Variants in RBM26 observed in about 807,000 individuals in gnomAD.
The protein encoded by RBM26 is RNA binding motif protein 26, also known as RNA-binding protein 26.
A neutral mutation model predicts 123.6 loss-of-function variants in RBM26; 30 were observed. The observed-to-expected ratio is 0.24, with a 90% CI of 0.18 to 0.33. The LOEUF (loss-of-function observed/expected upper bound fraction) is 0.33, where lower values mean the gene tolerates loss of function less well. Ranked by LOEUF, RBM26 falls within the 10% of genes least tolerant of loss-of-function variation. RBM26 has a pLI of 1.00. For missense variants in RBM26, 947 were observed against 1,203.6 expected, an observed-to-expected ratio of 0.79 and a Z score of 3.15; for synonymous variants, 400 against 404.4, an observed-to-expected ratio of 0.99 and a Z score of 0.13.
Position 79,372,835 on chromosome 13 carries a change from A to AT in RBM26, c.328-906_328-905insA, listed in dbSNP as rs1491406231. On this transcript the variant is annotated intron_variant, in intron 3 of 21. Transcript: ENST00000438737. ...TATATTTATAATAAATATTTTATATAAATATATTATATATTATATAAATAT... is the reference window on the plus strand; with the variant it reads ...TATATTTATAATAAATATTTTATATATAATATATTATATATTATATAAATAT... 4.9e-4 allele frequency among the ~76,000 whole-genome samples: 49 copies of AT among 99,754 alleles called. 2 individuals are homozygous for AT. The highest frequency in any genetic ancestry group is 3.2e-3 in the African/African-American group (44 of 13,760). The allele number at this position is 99,754 out of a possible 152,430, so 65.4% of individuals were successfully genotyped here.
chr13:79,360,490 A>AATATATAT (rs141926769), intron 9 of RBM26, among the ~76,000 whole-genome samples: 3,033 of 150,000 alleles, frequency 0.02, 97 homozygotes, highest in African/African-American at 0.065. Flanking sequence ...CCTCACCACA[A>AATATATAT]ATATATATAT....
At position 79,319,136 on chromosome 13, in the gene RBM26, G is replaced by A. The variant is rs1326165917; in HGVS notation, c.*1485C>T. The stretch of plus-strand genomic sequence containing the variant: ...ATACACACAACTTCAACCCCAATTA[G>A]GGGTGTATGGGGAAGAAGAAAAAGA... On this transcript the variant is annotated 3_prime_UTR_variant, in exon 22 of 22. Coordinates refer to ENST00000438737, the MANE Select transcript of RBM26 (RefSeq NM_001366735.2). 2 of 984,554 alleles carry A rather than the reference G, an allele frequency of 2.0e-6. No homozygotes were observed. Among genetic ancestry groups the A allele is most frequent in the South Asian group, 9.4e-5 (2 of 21,274 alleles). 61.0% of individuals were successfully genotyped at this position (984,554 alleles called of 1,614,324 possible). A position where few individuals can be genotyped will look rare whatever the true frequency, so the allele number is the denominator to read the frequency against.
downstream of RBM26, among the ~76,000 whole-genome samples, chr13:79,316,191 A>AGG (rs1234503888): frequency 9.2e-3 from 497 of 54,012 alleles, 1 homozygote; most frequent in African/African-American, 0.03. Flanking sequence ...TAAGTGGGGC[A>AGG]GGTGTGTGTG....
intron 3 of RBM26, among the ~76,000 whole-genome samples, chr13:79,373,755 C>A (rs1292897808): frequency 7.9e-6 from 1 of 125,924 alleles, no homozygotes; most frequent in Non-Finnish European, 1.6e-5. Context: ...ATATATATAT[C>A]TGGGAAAACA....
Position 79,355,771 on chromosome 13 carries a change from T to C in RBM26, c.1690-387A>G, listed in dbSNP as rs935205660. 5.3e-5 allele frequency among the ~76,000 whole-genome samples: 8 copies of C among 152,294 alleles called. No homozygotes were observed. In the Middle Eastern group the frequency reaches 0.01, roughly 194 times the overall value. ...AAATTACTTTGCAAGGGGTTATCTC[T>C]AATAAAAAATTACAGAAAAATCCAT... On this transcript the variant is annotated intron_variant, in intron 11 of 21. Transcript: ENST00000438737.
At chr13:79,365,825 C>A in intron 8 of RBM26, 107 bp from the exon 9 acceptor site, 1 of 1,004,364 alleles carries the variant, frequency 1.0e-6, no homozygotes, top group Non-Finnish European at 1.5e-6. Context: ...TAACATATAA[C>A]ATGCTCTATA....
chr13:79,318,748 A>C, downstream of RBM26: 1 of 967,666 alleles, frequency 1.0e-6, no homozygotes, highest in Non-Finnish European at 1.2e-6. Context: ...AAAACATACT[A>C]ATCAAATTAT....
chr13:79,339,669 G>A (rs563100390), intron 18 of RBM26, among the ~76,000 whole-genome samples: 2 of 152,078 alleles, frequency 1.3e-5, no homozygotes, highest in Non-Finnish European at 2.9e-5. Flanking sequence ...TTGAAAAGGA[G>A]GGTCCTTGGA....
At chr13:79,377,305 GA>G (rs1566527530) in intron 3 of RBM26, 73 bp downstream of exon 3, 1 of 1,328,564 alleles carries the variant, frequency 7.5e-7, no homozygotes, top group African/African-American at 1.5e-5. Flanking sequence ...CAAAGATATA[GA>G]AGATAAAAAC....
At chr13:79,315,239 T>C (rs2067037087), downstream of RBM26, among the ~76,000 whole-genome samples, 1 of 151,906 alleles carries the variant, frequency 6.6e-6, no homozygotes, top group African/African-American at 2.4e-5. Context: ...ACAACATATC[T>C]ATGGTCTAAA....
chr13:79,348,590 G>A (rs566517957), intron 14 of RBM26, among the ~76,000 whole-genome samples: 4 of 152,164 alleles, frequency 2.6e-5, no homozygotes, highest in Non-Finnish European at 5.9e-5. Flanking sequence ...AGCTCCAACA[G>A]GTTTTTAAAG....
intron 9 of RBM26, among the ~76,000 whole-genome samples, chr13:79,363,293 TA>T (rs1284536331): frequency 6.6e-6 from 1 of 152,176 alleles, no homozygotes; most frequent in Non-Finnish European, 1.5e-5. Flanking sequence ...GAACGTGTAA[TA>T]ATTATATAAT....
chr13:79,335,023 C>T (rs2070094171), intron 19 of RBM26, among the ~76,000 whole-genome samples: 1 of 152,026 alleles, frequency 6.6e-6, no homozygotes, highest in Non-Finnish European at 1.5e-5. Flanking sequence ...TATATTATTC[C>T]TGTTTTTGGT....
chr13:79,375,729 A>G (rs1468318368), intron 3 of RBM26, among the ~76,000 whole-genome samples: 1 of 152,130 alleles, frequency 6.6e-6, no homozygotes, highest in African/African-American at 2.4e-5. Context: ...AAATATACAA[A>G]TATACATGTG....
At chr13:79,332,872 G>A (rs1394107654) in intron 20 of RBM26, among the ~76,000 whole-genome samples, 1 of 152,022 alleles carries the variant, frequency 6.6e-6, no homozygotes, top group Non-Finnish European at 1.5e-5. Context: ...TTTAAGAAGA[G>A]GTTTTAATTT....
intron 8 of RBM26, 84 bp from the exon 9 acceptor site, chr13:79,365,802 C>A (rs868175958): frequency 1.6e-6 from 2 of 1,217,316 alleles, no homozygotes; most frequent in South Asian, 1.4e-5. Flanking sequence ...AAAAAGTAAA[C>A]AATATAACAT....
At chr13:79,325,432 G>A (rs2068235114) in intron 20 of RBM26, among the ~76,000 whole-genome samples, 2 of 152,076 alleles carry the variant, frequency 1.3e-5, no homozygotes, top group Admixed American at 6.6e-5. Context: ...CGGTGATACT[G>A]ATGATTCTGA....
At chr13:79,328,683 T>TAAAAAAA (rs747906560) in intron 20 of RBM26, among the ~76,000 whole-genome samples, 27 of 38,444 alleles carry the variant, frequency 7.0e-4, no homozygotes, top group African/African-American at 2.0e-3. Flanking sequence ...CTGCATTAAG[T>TAAAAAAA]AAAAAAAAAA....
chr13:79,361,519 AT>A (rs1788495189), intron 9 of RBM26, among the ~76,000 whole-genome samples: 1 of 152,106 alleles, frequency 6.6e-6, no homozygotes, highest in South Asian at 2.1e-4. Flanking sequence ...AGTTGCTCCC[AT>A]TACTTCACTT....
Sources: allele counts gnomAD v4.1 joint callset (sites outside exome capture counted in the v4.1 genomes callset), GRCh38; gene constraint gnomAD v4.1.1; transcripts MANE v1.5; gene names NCBI Gene and HGNC (gene_info 2026-07-23, HGNC 2026-07-21).